The following RELN variants were observed in gnomAD, a reference collection of about 807,000 sequenced individuals.
RELN encodes reelin.
A neutral mutation model predicts 427.6 loss-of-function variants in RELN; 108 were observed. That is an observed-to-expected ratio of 0.25 (90% CI 0.22 to 0.30). The LOEUF (loss-of-function observed/expected upper bound fraction) is 0.30, where lower values mean the gene tolerates loss of function less well. RELN is among the 10% of genes least tolerant of loss of function. The pLI is 1.00. For synonymous variants in RELN, 1,524 were observed against 1,513.4 expected (o/e 1.01, Z -0.16); for missense variants, 3,715 against 4,302.8 (o/e 0.86, Z 3.82).
intron 3 of RELN, among the ~76,000 whole-genome samples, chr7:103,784,639 T>G (rs1354871718): frequency 6.6e-6 from 1 of 152,188 alleles, no homozygotes; most frequent in Non-Finnish European, 1.5e-5. Context: ...TGATGTTCTC[T>G]CTGCCTCTTC....
At chr7:103,885,269 G>A (rs1284316254) in intron 2 of RELN, among the ~76,000 whole-genome samples, 1 of 151,950 alleles carries the variant, frequency 6.6e-6, no homozygotes, top group Non-Finnish European at 1.5e-5. Flanking sequence ...AACCCAGGAG[G>A]TGGAGCTTGC....
At chr7:103,927,885 T>G (rs1295885826) in intron 1 of RELN, among the ~76,000 whole-genome samples, 2 of 152,142 alleles carry the variant, frequency 1.3e-5, no homozygotes, top group African/African-American at 4.8e-5. Flanking sequence ...TAAAGAGTGT[T>G]TAATGAAGGG....
In RELN at chr7:103,737,575, G is replaced by C. The variant is rs80290979; in HGVS notation, c.657-9368C>G. ...CTATTATTAAATAAAGTTCCAGCTA[G>C]AATAACTCACCCATCATCTTGAAAT... On this transcript the variant is annotated intron_variant, in intron 6 of 64. Coordinates refer to ENST00000428762, the MANE Select transcript of RELN (RefSeq NM_005045.4). 7.1e-3 allele frequency among the ~76,000 whole-genome samples: 1,075 copies of C among 152,268 alleles called. 17 individuals are homozygous for C. Among genetic ancestry groups the C allele is most frequent in the African/African-American group, 0.025 (1,026 of 41,546 alleles).
chr7:103,631,815 A>C (rs528594105), intron 19 of RELN, among the ~76,000 whole-genome samples: 1 of 152,184 alleles, frequency 6.6e-6, no homozygotes, highest in African/African-American at 2.4e-5. Flanking sequence ...GAAACTAAAT[A>C]AACTATATTT....
intron 2 of RELN, among the ~76,000 whole-genome samples, chr7:103,865,897 G>A (rs1794187000): frequency 6.6e-6 from 1 of 152,080 alleles, no homozygotes; most frequent in South Asian, 2.1e-4. Context: ...AGTATTTATT[G>A]TGAAAGGCAA....
chr7:103,648,291 ACT>A, intron 16 of RELN, among the ~76,000 whole-genome samples: 1 of 151,352 alleles, frequency 6.6e-6, no homozygotes, highest in Non-Finnish European at 1.5e-5. Context: ...CTCCCCCTTC[ACT>A]CTCTCTTCCT....
At chr7:103,794,856 A>C (rs1180548326) in intron 3 of RELN, among the ~76,000 whole-genome samples, 1 of 152,188 alleles carries the variant, frequency 6.6e-6, no homozygotes. Flanking sequence ...CCCTGGGAGC[A>C]TAGGTAAAAT....
rs566062185 is a variant in RELN, at chr7:103,988,856, A to G, written c.226+275T>C. Among the ~76,000 whole-genome samples, 11 of 152,190 alleles carry G rather than the reference A, an allele frequency of 7.2e-5. No homozygotes were observed. Among genetic ancestry groups the G allele is most frequent in the Non-Finnish European group, 8.8e-5 (6 of 68,028 alleles). The stretch of plus-strand genomic sequence containing the variant: ...GGTAAGTACGGGGAGTGAGGGGGAA[A>G]GACACCGGCCTCCAAGAATTCTCAG... On this transcript the variant is annotated intron_variant, in intron 1 of 64. Coordinates refer to ENST00000428762, the MANE Select transcript of RELN (RefSeq NM_005045.4). This position sits in a 1 kb window ranked among gnomAD's most constrained non-coding sequence, Gnocchi z 4.9.
chr7:103,596,142 G>C (rs1164077301), intron 25 of RELN, among the ~76,000 whole-genome samples: 1 of 152,108 alleles, frequency 6.6e-6, no homozygotes, highest in African/African-American at 2.4e-5. Flanking sequence ...AATCAAACAA[G>C]CCTGCAAATG....
At chr7:103,501,009 G>GAGAA in intron 52 of RELN, 87 bp from the exon 53 acceptor site, 1 of 1,204,898 alleles carries the variant, frequency 8.3e-7, no homozygotes, top group Non-Finnish European at 1.2e-6. Context: ...CAGTACTCAA[G>GAGAA]AGAAAAAACA....
At chr7:103,959,713 T>C (rs1456628841) in intron 1 of RELN, among the ~76,000 whole-genome samples, 1 of 152,116 alleles carries the variant, frequency 6.6e-6, no homozygotes, top group African/African-American at 2.4e-5. Flanking sequence ...CTAGCTCACG[T>C]GATCCTCTTG....
intron 2 of RELN, among the ~76,000 whole-genome samples, chr7:103,847,262 T>C (rs1227374402): frequency 6.6e-6 from 1 of 152,336 alleles, no homozygotes; most frequent in East Asian, 1.9e-4. Flanking sequence ...TCATGTCCTT[T>C]GCAGGGACAT....
chr7:103,904,859 A>G (rs1024952104), intron 2 of RELN, among the ~76,000 whole-genome samples: 4 of 152,090 alleles, frequency 2.6e-5, no homozygotes, highest in African/African-American at 9.7e-5. Flanking sequence ...TCATTTCTGG[A>G]AAGAAAATGA....
chr7:103,566,100 G>C lies in RELN; in HGVS notation c.4936+124C>G, dbSNP rs1203416710. 2.0e-5 allele frequency: 17 copies of C among 837,140 alleles called. No homozygotes were observed. In the Admixed American group the frequency reaches 2.8e-4, roughly 14 times the overall value. 51.9% of individuals were successfully genotyped at this position (837,140 alleles called of 1,614,324 possible). On this transcript the variant is annotated intron_variant, in intron 33 of 64. Transcript: ENST00000428762. ...CACAATAAAACTTTTTTTTCACTGAGAGCCACCCTCAGCATGGGTAGTTAG... is the reference window on the plus strand; with the variant it reads ...CACAATAAAACTTTTTTTTCACTGACAGCCACCCTCAGCATGGGTAGTTAG...
At chr7:103,600,165 A>G (rs555820537) in intron 24 of RELN, among the ~76,000 whole-genome samples, 2 of 152,280 alleles carry the variant, frequency 1.3e-5, no homozygotes, top group South Asian at 4.1e-4. Flanking sequence ...ACAAAGTGCT[A>G]GAACTACAGG....
At chr7:103,963,692 C>G (rs1283218436) in intron 1 of RELN, among the ~76,000 whole-genome samples, 1 of 152,002 alleles carries the variant, frequency 6.6e-6, no homozygotes, top group Non-Finnish European at 1.5e-5. Flanking sequence ...ATTTTGTTTT[C>G]TCTATGTTTG....
chr7:103,793,168 A>T (rs1229372890), intron 3 of RELN, among the ~76,000 whole-genome samples: 1 of 152,154 alleles, frequency 6.6e-6, no homozygotes, highest in Non-Finnish European at 1.5e-5. Flanking sequence ...GCAATGTATA[A>T]GTAGTTCTTC....
At chr7:103,772,824 G>A (rs1157152431) in intron 4 of RELN, among the ~76,000 whole-genome samples, 1 of 152,172 alleles carries the variant, frequency 6.6e-6, no homozygotes, top group African/African-American at 2.4e-5. Context: ...CAGATTGTAA[G>A]GGATTTTCCT....
chr7:103,572,964 G>A (rs796454515), intron 30 of RELN, among the ~76,000 whole-genome samples: 18 of 149,870 alleles, frequency 1.2e-4, no homozygotes, highest in African/African-American at 3.4e-4. Flanking sequence ...TGTCATCTAC[G>A]TTAGGCATTT....
Sources: allele counts gnomAD v4.1 joint callset (sites outside exome capture counted in the v4.1 genomes callset), GRCh38; gene constraint gnomAD v4.1.1; non-coding constraint Gnocchi (gnomAD v3.1); transcripts MANE v1.5; gene names NCBI Gene and HGNC (gene_info 2026-07-23, HGNC 2026-07-21).